Variants in DNAH14 observed in about 807,000 individuals in gnomAD.
DNAH14 encodes the protein axonemal beta dynein heavy chain 14.
In DNAH14, 478 loss-of-function variants were observed where a neutral mutation model predicts 520.9. The ratio of observed to expected loss-of-function variants is 0.92; its 90% CI spans 0.85 to 0.99. DNAH14 has a LOEUF of 0.99. Ranked by LOEUF, DNAH14 falls within the 50% of genes least tolerant of loss-of-function variation. The pLI, the probability that DNAH14 is intolerant of heterozygous loss-of-function variation, is 0.00. For synonymous variants in DNAH14, 1,581 were observed against 1,757.2 expected (o/e 0.90, Z 2.51); for missense variants, 4,831 against 5,234.5 (o/e 0.92, Z 2.38).
At chr1:225,025,348 A>ATG (rs1280308000) in intron 11 of DNAH14, among the ~76,000 whole-genome samples, 1 of 151,054 alleles carries the variant, frequency 6.6e-6, no homozygotes, top group South Asian at 2.1e-4. Flanking sequence ...ATATATATAT[A>ATG]TATGTTTTGT....
intron 17 of DNAH14, among the ~76,000 whole-genome samples, chr1:225,078,879 TC>T (rs2072745844): frequency 7.6e-6 from 1 of 131,100 alleles, no homozygotes; most frequent in Non-Finnish European, 1.6e-5. Context: ...TCTCTCTCTC[TC>T]TCTCTCTCTC....
At chr1:225,185,186 T>G in intron 36 of DNAH14, 105 bp from the exon 37 acceptor site, 1 of 1,252,046 alleles carries the variant, frequency 8.0e-7, no homozygotes. Context: ...CACAAACTCA[T>G]TTATTATAGC....
intron 36 of DNAH14, among the ~76,000 whole-genome samples, chr1:225,170,128 A>G (rs1050909937): frequency 6.6e-6 from 1 of 152,220 alleles, no homozygotes; most frequent in Non-Finnish European, 1.5e-5. Flanking sequence ...AGCACTAAAC[A>G]TGGAAAGGAA....
intron 81 of DNAH14, among the ~76,000 whole-genome samples, chr1:225,382,481 G>A (rs1224098521): frequency 2.0e-5 from 3 of 152,040 alleles, no homozygotes; most frequent in Non-Finnish European, 4.4e-5. Flanking sequence ...CCAAGGTGGC[G>A]GATCACCTGA....
Position 225,002,889 on chromosome 1 carries a change from G to T in DNAH14, c.937G>T (p.Asp313Tyr). ...EDAINLKNYN[D>Y]HENNLSAICL... ...TGCAATTAATCTCAAAAATTATAAT[G>T]ACCATGAAAATAATCTATCTGCCAT... The change falls in exon 9 of 86, where the codon GAC becomes TAC. Residue 313 changes from aspartate to tyrosine, a missense_variant. By Grantham distance (160) the Asp-to-Tyr change is radical. Coordinates refer to ENST00000682510, the MANE Select transcript of DNAH14 (RefSeq NM_001367479.1). 1.3e-6 allele frequency: 2 copies of T among 1,549,210 alleles called. No individual in the cohort carries two copies. The highest frequency in any genetic ancestry group is 2.4e-5 in the South Asian group (2 of 83,902).
Position 225,364,768 on chromosome 1 carries a change from A to G in DNAH14, c.11988-24A>G, listed in dbSNP as rs1234005328. Reference sequence around the variant, plus strand: ...TGGTTTACATTTTTCACATTAAAATATTTATAAATTTTTTATTTTGCAGTT... The same window carrying G: ...TGGTTTACATTTTTCACATTAAAATGTTTATAAATTTTTTATTTTGCAGTT... On this transcript the variant is annotated intron_variant, in intron 75 of 85. Coordinates refer to ENST00000682510, the MANE Select transcript of DNAH14 (RefSeq NM_001367479.1). 7 of 1,471,866 alleles carry G rather than the reference A, an allele frequency of 4.8e-6. No individual in the cohort carries two copies. The African/African-American group carries it at 8.6e-5, about 18-fold the overall frequency. The allele number at this position is 1,471,866 out of a possible 1,614,324, so 91.2% of individuals were successfully genotyped here.
Position 225,337,478 on chromosome 1 carries a change from AG to A in DNAH14, c.10296del (p.Ser3433ValfsTer11). The A allele has an allele frequency of 6.4e-7, 1 of 1,551,810 alleles. No homozygotes were observed. On this transcript the variant is annotated frameshift_variant, in exon 67 of 86. Coordinates refer to ENST00000682510, the MANE Select transcript of DNAH14 (RefSeq NM_001367479.1). LOFTEE classifies it high-confidence loss of function. Reference sequence around the variant, plus strand: ...AAATTGAAAATGCTATGAAGACAGGAGGGAGTGTCCTCCTGCAGGTAAGTGG... The same window carrying A: ...AAATTGAAAATGCTATGAAGACAGGAGGAGTGTCCTCCTGCAGGTAAGTGG... ...KKIENAMKTGGSVLLQNLLET... is the reference protein window; with the variant it reads ...KKIENAMKTGXSVLLQNLLET...
chr1:225,252,825 T>G (rs934275533), intron 44 of DNAH14, among the ~76,000 whole-genome samples: 1 of 152,152 alleles, frequency 6.6e-6, no homozygotes, highest in African/African-American at 2.4e-5. Flanking sequence ...AGAATAATCA[T>G]AGTTTCACAA....
chr1:225,393,321 A>C (rs78648484), intron 84 of DNAH14, among the ~76,000 whole-genome samples: 2,170 of 152,294 alleles, frequency 0.014, 48 homozygotes, highest in African/African-American at 0.048. Flanking sequence ...CATCGTTAAG[A>C]GTGTACTTCC....
At position 225,335,403 on chromosome 1, in the gene DNAH14, ATGTGTG is replaced by A. The variant is rs370062945; in HGVS notation, c.10081-1859_10081-1854del. Among the ~76,000 whole-genome samples the A allele has an allele frequency of 1.2e-4, 11 of 89,738 alleles. 2 individuals carry two copies. The highest frequency in any genetic ancestry group is 2.5e-4 in the Admixed American group (2 of 7,940). The allele number at this position is 89,738 out of a possible 152,430, so 58.9% of individuals were successfully genotyped here. A position where few individuals can be genotyped will look rare whatever the true frequency, so the allele number is the denominator to read the frequency against. On this transcript the variant is annotated intron_variant, in intron 66 of 85. Coordinates refer to ENST00000682510, the MANE Select transcript of DNAH14 (RefSeq NM_001367479.1). ...TATATGCACATATACACATGTGTAC[ATGTGTG>A]TGTATGCACATATGCACGTGTGTAC...
At chr1:225,335,830 T>TACACACATGTACATAC (rs1265383077) in intron 66 of DNAH14, among the ~76,000 whole-genome samples, 1 of 103,632 alleles carries the variant, frequency 9.6e-6, no homozygotes, top group Non-Finnish European at 2.0e-5. Context: ...TACACATATG[T>TACACACATGTACATAC]ACATATATGT....
At chr1:225,098,380 A>G (rs1277501007) in intron 22 of DNAH14, among the ~76,000 whole-genome samples, 1 of 152,240 alleles carries the variant, frequency 6.6e-6, no homozygotes, top group African/African-American at 2.4e-5. Flanking sequence ...TAAATTAGGC[A>G]GAATTTAAAC....
chr1:225,289,312 G>A (rs935513924), intron 54 of DNAH14, among the ~76,000 whole-genome samples: 3 of 152,098 alleles, frequency 2.0e-5, no homozygotes, highest in Non-Finnish European at 2.9e-5. Flanking sequence ...CTGCCAGTGG[G>A]CTTGAAAGAT....
intron 17 of DNAH14, among the ~76,000 whole-genome samples, 181 bp downstream of exon 17, chr1:225,051,976 G>A (rs1352197419): frequency 6.6e-6 from 1 of 152,084 alleles, no homozygotes; most frequent in Admixed American, 6.6e-5. Flanking sequence ...ACATTTGTTT[G>A]TATCTTTGAT....
chr1:225,144,473 T>TA lies in DNAH14; in HGVS notation c.4586dup (p.Tyr1529Ter). 6.4e-7 allele frequency: 1 copy of TA among 1,551,684 alleles called. No individual in the cohort carries two copies. The highest frequency in any genetic ancestry group is 8.7e-7 in the Non-Finnish European group (1 of 1,146,990). ...AGGAAATGCCAGCTTTACTTATGGC[T>TA]ATGAGTACTTGGGCTGTACCTCAAG... ...SQGNASFTYG[Y>*]EYLGCTSRLV... The change falls in exon 29 of 86, where the codon TAT (tyrosine) becomes TAAT (stop). Residue 1529 changes from tyrosine (Y) to a stop codon, truncating the protein, a stop_gained and frameshift_variant. Transcript: ENST00000682510. LOFTEE classifies it high-confidence loss of function.
At chr1:225,248,486 T>G (rs1057177940) in intron 43 of DNAH14, among the ~76,000 whole-genome samples, 1 of 152,192 alleles carries the variant, frequency 6.6e-6, no homozygotes, top group Non-Finnish European at 1.5e-5. Context: ...AACTTTAGAT[T>G]TGTTAGAAAA....
Position 225,159,375 on chromosome 1 carries a change from G to T in DNAH14, c.5335G>T (p.Glu1779Ter), listed in dbSNP as rs1472142368. Residue 1779 changes from glutamate to a stop codon, truncating the protein, a stop_gained, in exon 35 of 86, where the codon GAA becomes TAA. Coordinates refer to ENST00000682510, the MANE Select transcript of DNAH14 (RefSeq NM_001367479.1). LOFTEE classifies it high-confidence loss of function. ...CTTGATTGTTATCGAGGCTATAAGA[G>T]AAGCTAGTTTGCCAAAATGTCCTCC... is the stretch of plus-strand genomic sequence containing the variant. ...ETLIVIEAIR[E>*]ASLPKCPPED... The T allele has an allele frequency of 1.9e-6, 3 of 1,551,624 alleles. No homozygotes were observed. Among genetic ancestry groups the T allele is most frequent in the Non-Finnish European group, 2.6e-6 (3 of 1,146,888 alleles).
intron 83 of DNAH14, among the ~76,000 whole-genome samples, chr1:225,390,597 T>C (rs2095896819): frequency 1.3e-5 from 2 of 152,096 alleles, no homozygotes; most frequent in South Asian, 4.2e-4. Flanking sequence ...CAGGGGGACC[T>C]TCACTAAGAA....
At chr1:225,372,964 T>C (rs2095636318) in intron 77 of DNAH14, among the ~76,000 whole-genome samples, 1 of 145,254 alleles carries the variant, frequency 6.9e-6, no homozygotes, top group Non-Finnish European at 1.6e-5. Context: ...GAAATACAAA[T>C]TAAACTAACA....
Sources: allele counts gnomAD v4.1 joint callset (sites outside exome capture counted in the v4.1 genomes callset), GRCh38; gene constraint gnomAD v4.1.1; transcripts MANE v1.5; gene names NCBI Gene and HGNC (gene_info 2026-07-23, HGNC 2026-07-21).